Variants in PPME1 observed in about 807,000 individuals in gnomAD.
PPME1 encodes protein phosphatase methylesterase 1.
Under a neutral mutation model 56.9 loss-of-function variants are expected in PPME1, and 17 were observed. The ratio of observed to expected loss-of-function variants is 0.30; its 90% confidence interval spans 0.20 to 0.45. PPME1 has a LOEUF of 0.45. PPME1 is among the 20% of genes least tolerant of loss of function. The pLI, the probability that PPME1 is intolerant of heterozygous loss-of-function variation, is 1.00. For missense variants in PPME1, 357 were observed against 483.2 expected (o/e 0.74, Z 2.45); for synonymous variants, 122 against 156.2 (o/e 0.78, Z 1.63).
chr11:74,246,992 T>C, intron 10 of PPME1, 87 bp from the exon 11 acceptor site: 1 of 1,119,344 alleles, frequency 8.9e-7, no homozygotes, highest in Non-Finnish European at 1.3e-6. Context: ...GAATGGAGAA[T>C]GTCATCATAT....
intron 11 of PPME1, chr11:74,248,085 C>T (rs942561447): frequency 6.6e-6 from 1 of 152,382 alleles, no homozygotes; most frequent in African/African-American, 2.4e-5. Flanking sequence ...GCACTGTATA[C>T]AGATGCATGT....
At chr11:74,251,364 T>C in intron 12 of PPME1, 1 of 1,356,996 alleles carries the variant, frequency 7.4e-7, no homozygotes, top group Non-Finnish European at 9.5e-7. Context: ...GGAATTAATA[T>C]GGGCTCCTCC....
At chr11:74,218,385 A>C (rs1858711799) in intron 3 of PPME1, among the ~76,000 whole-genome samples, 1 of 152,162 alleles carries the variant, frequency 6.6e-6, no homozygotes, top group South Asian at 2.1e-4. Context: ...GATATTCTTC[A>C]AAAAAATGGA....
chr11:74,191,990 G>A (rs919550538), intron 1 of PPME1, among the ~76,000 whole-genome samples: 2 of 152,198 alleles, frequency 1.3e-5, no homozygotes, highest in Non-Finnish European at 2.9e-5. Context: ...TGGGAAAGGG[G>A]CTGCCACACT....
intron 1 of PPME1, among the ~76,000 whole-genome samples, chr11:74,196,919 A>G (rs1857997521): frequency 6.6e-6 from 1 of 152,166 alleles, no homozygotes. Flanking sequence ...AACATTATTA[A>G]TTTGTTCCCT....
At chr11:74,194,145 C>A (rs142420572) in intron 1 of PPME1, among the ~76,000 whole-genome samples, 313 of 151,990 alleles carry the variant, frequency 2.1e-3, no homozygotes, top group African/African-American at 6.9e-3. Flanking sequence ...TTTTTTCTTG[C>A]TTCTCCCTTC....
Position 74,253,853 on chromosome 11 carries a change from A to T in PPME1, c.*343A>T. On this transcript the variant is annotated 3_prime_UTR_variant, in exon 14 of 14. Coordinates refer to ENST00000328257, the MANE Select transcript of PPME1 (RefSeq NM_016147.3). ...TTCCTAGCATCAGGCGATACATCTG[A>T]GTTCAAATGTCTTCCCAGGCTCAGG... 1 of 427,612 alleles carries T rather than the reference A, an allele frequency of 2.3e-6. No homozygotes were observed. The highest frequency in any genetic ancestry group is 4.2e-6 in the Non-Finnish European group (1 of 239,412). 26.5% of individuals were successfully genotyped at this position (427,612 alleles called of 1,614,324 possible).
At chr11:74,177,672 C>T (rs932110094) in intron 1 of PPME1, among the ~76,000 whole-genome samples, 4 of 151,988 alleles carry the variant, frequency 2.6e-5, no homozygotes, top group East Asian at 1.9e-4. Context: ...CACAAATAAA[C>T]TTTCTAATCC....
In PPME1 at chr11:74,250,953, G is replaced by C; in HGVS notation, c.1010-1G>C. 1 of 1,597,488 alleles carries C rather than the reference G, an allele frequency of 6.3e-7. No homozygotes were observed. Among genetic ancestry groups the C allele is most frequent in the Non-Finnish European group, 8.5e-7 (1 of 1,171,674 alleles). ...GTTGCCTTGCTTTGATTCCTCTCCA[G>C]GGAAGTTCCAGATGCAGGTCCTACC... On this transcript the variant is annotated splice_acceptor_variant, in intron 11 of 13. Coordinates refer to ENST00000328257, the MANE Select transcript of PPME1 (RefSeq NM_016147.3). LOFTEE classifies it high-confidence loss of function.
In PPME1 at chr11:74,230,885, T is replaced by C; in HGVS notation, c.554-27T>C. The C allele has an allele frequency of 6.6e-7, 1 of 1,507,154 alleles. No individual in the cohort carries two copies. The highest frequency in any genetic ancestry group is 9.1e-7 in the Non-Finnish European group (1 of 1,097,816). The allele number at this position is 1,507,154 out of a possible 1,614,324, so 93.4% of individuals were successfully genotyped here. A position where few individuals can be genotyped will look rare whatever the true frequency, so the allele number is the denominator to read the frequency against. On this transcript the variant is annotated intron_variant, in intron 6 of 13. Coordinates refer to ENST00000328257, the MANE Select transcript of PPME1 (RefSeq NM_016147.3). This position sits in a 1 kb window ranked among gnomAD's most constrained non-coding sequence, Gnocchi z 4.9. ...AAATGCTCAGAATAAGTTAAATATG[T>C]GGTTACAGTTTTTGTTTAACATCCA...
intron 9 of PPME1, among the ~76,000 whole-genome samples, chr11:74,244,490 T>C (rs544870645): frequency 6.6e-6 from 1 of 152,216 alleles, no homozygotes; most frequent in African/African-American, 2.4e-5. Context: ...CATTGTGGTG[T>C]TGCTGTGCAT....
chr11:74,251,562 C>A, intron 12 of PPME1, 86 bp from the exon 13 acceptor site: 1 of 1,566,362 alleles, frequency 6.4e-7, no homozygotes, highest in Non-Finnish European at 8.6e-7. Flanking sequence ...CACCGTAGAG[C>A]CTAACCATCT....
At chr11:74,196,531 T>C (rs368174089) in intron 1 of PPME1, among the ~76,000 whole-genome samples, 61 of 152,198 alleles carry the variant, frequency 4.0e-4, no homozygotes, top group African/African-American at 1.4e-3. Flanking sequence ...TTGTTGAAAA[T>C]CAGTTTGTTA....
intron 9 of PPME1, among the ~76,000 whole-genome samples, chr11:74,241,878 C>G (rs1450968265): frequency 6.6e-6 from 1 of 152,096 alleles, no homozygotes; most frequent in Non-Finnish European, 1.5e-5. Flanking sequence ...TATATATATT[C>G]TAGATACAGA....
chr11:74,239,678 G>A (rs1045708696), intron 9 of PPME1, among the ~76,000 whole-genome samples: 8 of 149,072 alleles, frequency 5.4e-5, no homozygotes, highest in African/African-American at 7.4e-5. Context: ...CCGGGTTCAC[G>A]CCATTCTCCT....
intron 9 of PPME1, among the ~76,000 whole-genome samples, chr11:74,244,723 C>A (rs935921389): frequency 2.0e-5 from 3 of 152,050 alleles, no homozygotes; most frequent in African/African-American, 7.2e-5. Flanking sequence ...ACACATAGTA[C>A]CATTTGTCTA....
chr11:74,247,154 C>T, intron 11 of PPME1, 31 bp downstream of exon 11: 1 of 1,581,384 alleles, frequency 6.3e-7, no homozygotes, highest in Non-Finnish European at 8.7e-7. Context: ...ACCCCTGGAC[C>T]CTTTTCTGAA....
At chr11:74,204,185 G>T (rs1348853497) in intron 2 of PPME1, among the ~76,000 whole-genome samples, 168 bp from the exon 3 acceptor site, 1 of 151,424 alleles carries the variant, frequency 6.6e-6, no homozygotes, top group Non-Finnish European at 1.5e-5. Context: ...GGTCACACAG[G>T]CTTCATGCTT....
intron 3 of PPME1, among the ~76,000 whole-genome samples, chr11:74,221,445 C>T (rs1858798092): frequency 6.6e-6 from 1 of 152,060 alleles, no homozygotes. Flanking sequence ...AAAAATATGA[C>T]TTAAGAATCT....
Sources: allele counts gnomAD v4.1 joint callset (sites outside exome capture counted in the v4.1 genomes callset), GRCh38; gene constraint gnomAD v4.1.1; non-coding constraint Gnocchi (gnomAD v3.1); transcripts MANE v1.5; gene names NCBI Gene and HGNC (gene_info 2026-07-23, HGNC 2026-07-21).